ATP6AP1: variants seen among roughly 807,000 people sequenced by gnomAD.
ATP6AP1 encodes the protein V-type proton ATPase subunit S1.
ATP6AP1 carries 1 observed loss-of-function variant against 32.0 expected under a neutral mutation model. The observed-to-expected ratio is 0.03, with a 90% confidence interval of 0.01 to 0.15. The LOEUF (loss-of-function observed/expected upper bound fraction) is 0.15. Among genes scored for constraint, ATP6AP1 ranks in the 10% least tolerant of loss-of-function variants. ATP6AP1 has a pLI of 1.00. For missense variants in ATP6AP1, 297 were observed against 398.8 expected, an observed-to-expected ratio of 0.74 and a Z score of 2.17; for synonymous variants, 187 against 174.9, an observed-to-expected ratio of 1.07 and a Z score of -0.55.
Position 154,436,397 on chromosome X carries a change from A to G in ATP6AP1, c.*506A>G. 8.5e-6 allele frequency: 1 copy of G among 117,066 alleles called. No homozygotes were observed. Among genetic ancestry groups the G allele is most frequent in the East Asian group, 2.7e-4 (1 of 3,692 alleles). The allele number at this position is 117,066 out of a possible 1,213,427, so 9.6% of individuals were successfully genotyped here. ...GTGGCCTGAGAAGGAAGGGACCTCC[A>G]CGACAGGTGGGCTGGGTGCGATCGC... On this transcript the variant is annotated 3_prime_UTR_variant, in exon 10 of 10. Transcript: ENST00000369762.
Position 154,435,364 on chromosome X carries a change from C to A in ATP6AP1, c.1062C>A (p.Ala354=). 1 of 1,212,217 alleles carries A rather than the reference C, an allele frequency of 8.2e-7. No individual in the cohort carries two copies. Among genetic ancestry groups the A allele is most frequent in the Non-Finnish European group, 1.1e-6 (1 of 895,598 alleles). ...RLEVHSNGSV[A]YFNASQVTGP... Reference sequence around the variant, plus strand: ...AAGTCCACAGCAATGGCTCCGTCGCCTACTTCAATGCTTCCCAGGTCACAG... The same window carrying A: ...AAGTCCACAGCAATGGCTCCGTCGCATACTTCAATGCTTCCCAGGTCACAG... The change falls in exon 9 of 10, where the codon GCC becomes GCA. Residue 354 remains alanine (A), a synonymous_variant. Coordinates refer to ENST00000369762, the MANE Select transcript of ATP6AP1 (RefSeq NM_001183.6).
At chrX:154,432,830 C>T (rs1603384228) in intron 4 of ATP6AP1, 101 bp from the exon 5 acceptor site, 8 of 983,224 alleles carry the variant, frequency 8.1e-6, no homozygotes, top group African/African-American at 3.8e-5. Flanking sequence ...AGGCTTGGTG[C>T]GTGGGGCTAG....
intron 3 of ATP6AP1, 123 bp downstream of exon 3, chrX:154,432,027 T>TC (rs781997607): frequency 1.9e-5 from 15 of 781,686 alleles, no homozygotes; most frequent in African/African-American, 1.1e-4. Flanking sequence ...GGGTCAACCA[T>TC]CCCCCCCAAA....
chrX:154,432,915 T>G lies in ATP6AP1; in HGVS notation c.558-16T>G. On this transcript the variant is annotated splice_polypyrimidine_tract_variant and intron_variant, in intron 4 of 9. Coordinates refer to ENST00000369762, the MANE Select transcript of ATP6AP1 (RefSeq NM_001183.6). ...AGGCCGCCTGAGGACTCTGGCGCTCTGTTTGTCTTCCATAGCTCTGGTCTG... is the reference window on the plus strand; with the variant it reads ...AGGCCGCCTGAGGACTCTGGCGCTCGGTTTGTCTTCCATAGCTCTGGTCTG... The G allele has an allele frequency of 8.3e-7, 1 of 1,211,702 alleles. No homozygotes were observed. Among genetic ancestry groups the G allele is most frequent in the Non-Finnish European group, 1.1e-6 (1 of 895,328 alleles).
intron 7 of ATP6AP1, 115 bp downstream of exon 7, chrX:154,434,561 C>T: frequency 1.3e-6 from 1 of 760,076 alleles, no homozygotes; most frequent in East Asian, 3.2e-5. Context: ...TGGGGATGGC[C>T]ATGGTCTGGT....
Position 154,432,134 on chromosome X carries a change from G to C in ATP6AP1, c.364-132G>C, listed in dbSNP as rs782780282. On this transcript the variant is annotated intron_variant, in intron 3 of 9. Coordinates refer to ENST00000369762, the MANE Select transcript of ATP6AP1 (RefSeq NM_001183.6). ...TGGGGCCTGAATGTCAGGGGCTGGG[G>C]TGTGGGCCATTTTCTTGGTGAGCCT... 302 of 709,695 alleles carry C rather than the reference G, an allele frequency of 4.3e-4. No homozygotes were observed. In the African/African-American group the frequency reaches 6.1e-3, roughly 14 times the overall value. 58.5% of individuals were successfully genotyped at this position (709,695 alleles called of 1,213,427 possible). A position where few individuals can be genotyped will look rare whatever the true frequency, so the allele number is the denominator to read the frequency against.
At chrX:154,429,378 G>A (rs1227712977) in intron 2 of ATP6AP1, 1 of 475,510 alleles carries the variant, frequency 2.1e-6, no homozygotes, top group Non-Finnish European at 3.5e-6. Flanking sequence ...CAACTTGATT[G>A]GAGGAAGCGA....
At chrX:154,432,843 GGGA>G in intron 4 of ATP6AP1, 85 bp from the exon 5 acceptor site, 1 of 1,072,697 alleles carries the variant, frequency 9.3e-7, no homozygotes, top group Admixed American at 2.2e-5. Flanking sequence ...GGGGCTAGTG[GGGA>G]GGAGAAGCTG....
rs782606687 is a variant in ATP6AP1 at position 154,434,241 on chromosome X, C to G, written c.718C>G (p.Leu240Val). 5.0e-6 allele frequency: 6 copies of G among 1,211,634 alleles called. No individual in the cohort carries two copies. The highest frequency in any genetic ancestry group is 6.7e-6 in the Non-Finnish European group (6 of 895,425). Residue 240 changes from leucine to valine, a missense_variant, in exon 7 of 10, where the codon CTA (leucine) becomes GTA (valine). By Grantham distance (32) the Leu-to-Val change is conservative. Transcript: ENST00000369762. ...ARDVAVVAGG[L>V]GRQLLQKQPV... ...TGATGTAGCCGTGGTGGCCGGAGGG[C>G]TAGGTCGCCAGCTGCTACAAAAACA...
Position 154,431,816 on chromosome X carries a change from T to C in ATP6AP1, c.289-14T>C. ...GCCAAACCTCCTCAGATGTCTCCCC[T>C]ATTTCCCTAATAGCTGAGCATTGAG... On this transcript the variant is annotated splice_polypyrimidine_tract_variant and intron_variant, in intron 2 of 9. Coordinates refer to ENST00000369762, the MANE Select transcript of ATP6AP1 (RefSeq NM_001183.6). 1.7e-6 allele frequency: 2 copies of C among 1,210,113 alleles called. No individual in the cohort carries two copies. The highest frequency in any genetic ancestry group is 2.2e-6 in the Non-Finnish European group (2 of 894,308).
intron 2 of ATP6AP1, chrX:154,431,611 G>GC (rs1438267206): frequency 4.7e-6 from 2 of 427,976 alleles, no homozygotes; most frequent in Non-Finnish European, 8.1e-6. Context: ...CCCCATGACT[G>GC]CCTTCCATGT....
rs143207881 is a variant in ATP6AP1 at position 154,434,354 on chromosome X, G to A, written c.831G>A (p.Ala277=). ...ILFWAQNFSV[A]YKDQWEDLTP... The stretch of plus-strand genomic sequence containing the variant: ...TCTGGGCCCAAAACTTCTCTGTGGC[G>A]TACAAGGACCAGTGGGAGGACCTGA... The change falls in exon 7 of 10, where the codon GCG becomes GCA. Residue 277 remains alanine, a synonymous_variant. Coordinates refer to ENST00000369762, the MANE Select transcript of ATP6AP1 (RefSeq NM_001183.6). 15 of 1,210,364 alleles carry A rather than the reference G, an allele frequency of 1.2e-5. No homozygotes were observed. Among genetic ancestry groups the A allele is most frequent in the Middle Eastern group, 2.3e-4 (1 of 4,374 alleles).
rs1557196350 is a variant in ATP6AP1 at position 154,429,039 on chromosome X, C to T, written c.162-9C>T. On this transcript the variant is annotated splice_polypyrimidine_tract_variant and intron_variant, in intron 1 of 9. Coordinates refer to ENST00000369762, the MANE Select transcript of ATP6AP1 (RefSeq NM_001183.6). ...CCCGTCTGACAGCACCTCTTCTGTG[C>T]CCTGCCAGGGACTTGTGGGCTCCTG... The T allele has an allele frequency of 8.3e-7, 1 of 1,210,608 alleles. No individual in the cohort carries two copies. Among genetic ancestry groups the T allele is most frequent in the Admixed American group, 2.2e-5 (1 of 46,021 alleles).
intron 5 of ATP6AP1, 72 bp downstream of exon 5, chrX:154,433,043 C>T: frequency 4.4e-6 from 5 of 1,135,811 alleles, no homozygotes; most frequent in Non-Finnish European, 6.0e-6. Flanking sequence ...AGCTGGCCTG[C>T]AGTTCCTCGG....
chrX:154,431,028 G>A (rs1000720453), intron 2 of ATP6AP1: 8 of 111,277 alleles, frequency 7.2e-5, no homozygotes, highest in African/African-American at 2.6e-4. Flanking sequence ...GCAGGGAGTG[G>A]TGTGATTTCT....
intron 3 of ATP6AP1, 100 bp downstream of exon 3, chrX:154,432,004 C>T: frequency 1.1e-6 from 1 of 942,117 alleles, no homozygotes; most frequent in South Asian, 2.2e-5. Context: ...TTACTTGGGT[C>T]TGAGTCTCTT....
In ATP6AP1 at chrX:154,431,881, G is replaced by A. The variant is rs2068695264; in HGVS notation, c.340G>A (p.Asp114Asn). 8.3e-7 allele frequency: 1 copy of A among 1,211,753 alleles called. No homozygotes were observed. Among genetic ancestry groups the A allele is most frequent in the Non-Finnish European group, 1.1e-6 (1 of 895,498 alleles). Residue 114 changes from aspartate to asparagine, a missense_variant, in exon 3 of 10, where the codon GAC (aspartate) becomes AAC (asparagine). By Grantham distance (23) the Asp-to-Asn change is conservative. Coordinates refer to ENST00000369762, the MANE Select transcript of ATP6AP1 (RefSeq NM_001183.6). ...TGGCGGTGTGTTTGGAAACAAGCAG[G>A]ACAGCGCCTTTTCTAACCTAGAGGT... ...AYGGVFGNKQDSAFSNLENAL... is the reference protein window; with the variant it reads ...AYGGVFGNKQNSAFSNLENAL...
In ATP6AP1 at chrX:154,435,436, C is replaced by T. The variant is rs372228206; in HGVS notation, c.1134C>T (p.Ser378=). ...ACTGCGAGTATGTCAGCAGCCTGAG[C>T]AAGAAGGGTAGTCTCCTCGTGGCCC... ...SFHCEYVSSL[S]KKGSLLVART... is the part of the protein sequence containing the mutation. The change falls in exon 9 of 10, where the codon AGC becomes AGT. Residue 378 remains serine, a synonymous_variant. Transcript: ENST00000369762. 5.8e-6 allele frequency: 7 copies of T among 1,210,966 alleles called. No individual in the cohort carries two copies. The African/African-American group carries it at 7.0e-5, about 12-fold the overall frequency.
At chrX:154,430,640 A>G (rs1257854807) in intron 2 of ATP6AP1, 1 of 111,874 alleles carries the variant, frequency 8.9e-6, no homozygotes, top group Admixed American at 9.5e-5. Flanking sequence ...TCGGTATAGG[A>G]TATGATGTCA....
Sources: gnomAD v4.1 joint callset for allele counts on GRCh38, gnomAD v4.1.1 for gene constraint, MANE v1.5 for transcripts, NCBI Gene and HGNC (gene_info 2026-07-23, HGNC 2026-07-21) for gene names.